Variants in PLEKHA8 observed in about 807,000 individuals in gnomAD.
The protein encoded by PLEKHA8 is pleckstrin homology domain-containing family A member 8.
A neutral mutation model predicts 68.2 loss-of-function variants in PLEKHA8; 36 were observed. The observed-to-expected ratio is 0.53, with a 90% confidence interval of 0.40 to 0.70. PLEKHA8 has a LOEUF of 0.70. PLEKHA8 is among the 30% of genes least tolerant of loss of function. The pLI is 0.00. For missense variants in PLEKHA8, 505 were observed against 615.4 expected (o/e 0.82, Z 1.90); for synonymous variants, 211 against 216.1 (o/e 0.98, Z 0.20).
chr7:30,088,450 G>A (rs1795266440), downstream of PLEKHA8, among the ~76,000 whole-genome samples: 1 of 152,134 alleles, frequency 6.6e-6, no homozygotes, highest in Admixed American at 6.5e-5. Flanking sequence ...GCTTAGGAAT[G>A]TGGCCTGTCA....
At position 30,045,213 on chromosome 7, in the gene PLEKHA8, A is replaced by G. The variant is rs6960120; in HGVS notation, c.157+12A>G. On this transcript the variant is annotated intron_variant, in intron 2 of 13. Transcript: ENST00000449726. ...CTGTGAAATTCAAGGTGAGAAATCA[A>G]GCAACTTGCAAGTTTTATTTTTCTT... 27 of 1,562,122 alleles carry G rather than the reference A, an allele frequency of 1.7e-5. No homozygotes were observed. The Admixed American group carries it at 3.1e-4, about 18-fold the overall frequency.
chr7:30,117,903 A>C, intron 13 of PLEKHA8: 1 of 1,106,278 alleles, frequency 9.0e-7, no homozygotes, highest in Non-Finnish European at 1.3e-6. Flanking sequence ...AAAGATTGCC[A>C]AGACTTTATT....
At chr7:30,095,506 T>C (rs893082609), downstream of PLEKHA8, among the ~76,000 whole-genome samples, 3 of 152,256 alleles carry the variant, frequency 2.0e-5, no homozygotes, top group African/African-American at 7.2e-5. Flanking sequence ...GTTTCTTTGC[T>C]GCGCAGAAGC....
intron 13 of PLEKHA8, among the ~76,000 whole-genome samples, chr7:30,099,435 A>G (rs147120084): frequency 1.3e-5 from 2 of 152,364 alleles, no homozygotes; most frequent in African/African-American, 4.8e-5. Context: ...AAACAAATGC[A>G]TTAGGAACCC....
At chr7:30,036,994 T>A (rs1424488151) in intron 1 of PLEKHA8, among the ~76,000 whole-genome samples, 1 of 152,176 alleles carries the variant, frequency 6.6e-6, no homozygotes, top group Non-Finnish European at 1.5e-5. Flanking sequence ...CATCCCTGTC[T>A]GGAACTCCCC....
intron 12 of PLEKHA8, among the ~76,000 whole-genome samples, chr7:30,072,638 G>C (rs1475138328): frequency 6.6e-6 from 1 of 152,178 alleles, no homozygotes; most frequent in African/African-American, 2.4e-5. Context: ...TGGTTTTAGT[G>C]TCTGTTTATC....
In PLEKHA8 at chr7:30,083,304, C is replaced by T. The variant is rs1041282287; in HGVS notation, c.*4517C>T. 3.7e-5 allele frequency: 36 copies of T among 984,894 alleles called. No individual in the cohort carries two copies. The highest frequency in any genetic ancestry group is 4.2e-5 in the Non-Finnish European group (35 of 829,564). The allele number at this position is 984,894 out of a possible 1,614,324, so 61.0% of individuals were successfully genotyped here. On this transcript the variant is annotated 3_prime_UTR_variant, in exon 14 of 14. Transcript: ENST00000449726. ...CCTTTGTAATCCGCAGTTGCTTACT[C>T]AGGGGTTTCATAGTCATTTCATAAA...
intron 13 of PLEKHA8, among the ~76,000 whole-genome samples, chr7:30,107,588 T>G (rs777909988): frequency 1.3e-5 from 2 of 152,160 alleles, no homozygotes; most frequent in Non-Finnish European, 2.9e-5. Flanking sequence ...CAATGCTGAA[T>G]AGAAGTGGCC....
intron 13 of PLEKHA8, among the ~76,000 whole-genome samples, chr7:30,109,607 AAAAAAAGAG>A (rs1562554268): frequency 3.6e-5 from 4 of 110,234 alleles, no homozygotes; most frequent in Non-Finnish European, 4.0e-5. Context: ...AAAAAAAAAA[AAAAAAAGAG>A]AGAGAGATTA....
chr7:30,061,797 T>TA, intron 10 of PLEKHA8, 100 bp from the exon 11 acceptor site: 1 of 1,330,898 alleles, frequency 7.5e-7, no homozygotes, highest in Non-Finnish European at 1.0e-6. Flanking sequence ...TTTATTTTCT[T>TA]AGAGGCCTGC....
intron 1 of PLEKHA8, among the ~76,000 whole-genome samples, chr7:30,041,931 G>T (rs1791572934): frequency 6.6e-6 from 1 of 151,892 alleles, no homozygotes; most frequent in African/African-American, 2.4e-5. Flanking sequence ...GTAAAATAAT[G>T]GTGTGTCTTA....
rs1795071894 is a variant in PLEKHA8, at chr7:30,083,984, A to G, written c.*5197A>G. 3 of 985,366 alleles carry G rather than the reference A, an allele frequency of 3.0e-6. No homozygotes were observed. The highest frequency in any genetic ancestry group is 6.1e-5 in the Admixed American group (1 of 16,266). 61.0% of individuals were successfully genotyped at this position (985,366 alleles called of 1,614,324 possible). A position where few individuals can be genotyped will look rare whatever the true frequency, so the allele number is the denominator to read the frequency against. On this transcript the variant is annotated 3_prime_UTR_variant, in exon 14 of 14. Coordinates refer to ENST00000449726, the MANE Select transcript of PLEKHA8 (RefSeq NM_001197026.2). ...TACTTCTGTTGTTTCCTAGAAGGCT[A>G]TGAGCCAGTTCCATGGCATGTTTAA...
intron 1 of PLEKHA8, among the ~76,000 whole-genome samples, chr7:30,030,735 T>A (rs1562846917): frequency 6.6e-6 from 1 of 152,220 alleles, no homozygotes; most frequent in East Asian, 1.9e-4. Context: ...ATTCTCTCCT[T>A]TTAGGAGATA....
At chr7:30,121,521 T>TG (rs1476862682) in intron 13 of PLEKHA8, among the ~76,000 whole-genome samples, 1 of 151,896 alleles carries the variant, frequency 6.6e-6, no homozygotes, top group South Asian at 2.1e-4. Flanking sequence ...CCCAGCTACT[T>TG]GGGGGGCTGA....
In PLEKHA8 at chr7:30,082,350, T is replaced by G; in HGVS notation, c.*3563T>G. The G allele has an allele frequency of 1.0e-6, 1 of 985,420 alleles. No homozygotes were observed. Among genetic ancestry groups the G allele is most frequent in the Non-Finnish European group, 1.2e-6 (1 of 829,976 alleles). 61.0% of individuals were successfully genotyped at this position (985,420 alleles called of 1,614,324 possible). ...CCCACTTATGTTTGTTCTGCCCCAT[T>G]TCCCAGGAGCAGCTTCTAGCACATA... is the stretch of plus-strand genomic sequence containing the variant. On this transcript the variant is annotated 3_prime_UTR_variant, in exon 14 of 14. Coordinates refer to ENST00000449726, the MANE Select transcript of PLEKHA8 (RefSeq NM_001197026.2).
At chr7:30,099,886 C>G (rs1017207769) in intron 13 of PLEKHA8, among the ~76,000 whole-genome samples, 1 of 152,178 alleles carries the variant, frequency 6.6e-6, no homozygotes, top group Admixed American at 6.5e-5. Context: ...CACCACCAAC[C>G]AGGTCGCTTA....
chr7:30,084,535 T>A lies in PLEKHA8; in HGVS notation c.*5748T>A. 1 of 985,406 alleles carries A rather than the reference T, an allele frequency of 1.0e-6. No individual in the cohort carries two copies. The highest frequency in any genetic ancestry group is 1.2e-6 in the Non-Finnish European group (1 of 829,912). The allele number at this position is 985,406 out of a possible 1,614,324, so 61.0% of individuals were successfully genotyped here. On this transcript the variant is annotated 3_prime_UTR_variant, in exon 14 of 14. Transcript: ENST00000449726. ...TATTGTTTCTCTGTCCAAGTCCTTA[T>A]TCTCTATCTTGTGGGGAGGGGTGAC... is the stretch of plus-strand genomic sequence containing the variant.
At chr7:30,046,485 C>G in intron 3 of PLEKHA8, 120 bp downstream of exon 3, 1 of 1,123,050 alleles carries the variant, frequency 8.9e-7, no homozygotes, top group Non-Finnish European at 1.2e-6. Flanking sequence ...CATGCAAATG[C>G]TGTGTATCTT....
At chr7:30,120,230 T>G (rs1477844886) in intron 13 of PLEKHA8, among the ~76,000 whole-genome samples, 2 of 147,904 alleles carry the variant, frequency 1.4e-5, no homozygotes, top group Non-Finnish European at 3.0e-5. Flanking sequence ...TTTAGACAAA[T>G]TAAATTTAAC....
Sources: gnomAD v4.1 joint callset for allele counts (sites outside exome capture counted in the v4.1 genomes callset) on GRCh38, gnomAD v4.1.1 for gene constraint, MANE v1.5 for transcripts, NCBI Gene and HGNC (gene_info 2026-07-23, HGNC 2026-07-21) for gene names.